INPP5B: variants seen among roughly 807,000 people sequenced by gnomAD.
The protein encoded by INPP5B is inositol polyphosphate-5-phosphatase B, also known as type II inositol 1,4,5-trisphosphate 5-phosphatase.
INPP5B carries 90 observed loss-of-function variants against 118.5 expected under a neutral mutation model. The observed-to-expected ratio is 0.76, with a 90% CI of 0.64 to 0.90. The LOEUF (loss-of-function observed/expected upper bound fraction) is 0.90. Ranked by LOEUF, INPP5B falls within the 40% of genes least tolerant of loss-of-function variation. The pLI is 0.00. For synonymous variants in INPP5B, 385 were observed against 418.9 expected (o/e 0.92, Z 0.99); for missense variants, 984 against 1,125.6 (o/e 0.87, Z 1.80).
In INPP5B at chr1:37,940,649, C is replaced by G. The variant is rs753631764; in HGVS notation, c.391+39G>C. The G allele has an allele frequency of 3.0e-5, 38 of 1,258,588 alleles. No individual in the cohort carries two copies. The South Asian group carries it at 4.6e-4, about 15-fold the overall frequency. 78.0% of individuals were successfully genotyped at this position (1,258,588 alleles called of 1,614,324 possible). ...CTGGGGTGGGTAGGTGAATACCCAGCAACCCACCCACCCCCAGGGAGCCTG... is the reference window on the plus strand; with the variant it reads ...CTGGGGTGGGTAGGTGAATACCCAGGAACCCACCCACCCCCAGGGAGCCTG... On this transcript the variant is annotated intron_variant, in intron 6 of 23. Coordinates refer to ENST00000373024, the MANE Select transcript of INPP5B (RefSeq NM_005540.3).
At chr1:37,881,105 A>G (rs1383681739) in intron 14 of INPP5B, among the ~76,000 whole-genome samples, 5 of 152,252 alleles carry the variant, frequency 3.3e-5, no homozygotes, top group African/African-American at 1.2e-4. Context: ...ATTAGGTACC[A>G]CTTAACAAAC....
chr1:37,941,001 A>C (rs958458088), intron 5 of INPP5B, among the ~76,000 whole-genome samples: 1 of 152,112 alleles, frequency 6.6e-6, no homozygotes, highest in Non-Finnish European at 1.5e-5. Flanking sequence ...CTCTTTATAC[A>C]GGAGGCAGAA....
intron 1 of INPP5B, among the ~76,000 whole-genome samples, chr1:37,946,677 C>A (rs1646122483): frequency 1.3e-5 from 2 of 152,150 alleles, no homozygotes; most frequent in South Asian, 4.1e-4. Context: ...TAGGACATGG[C>A]TCTTCCTCTC....
rs1297854206 is a variant in INPP5B at position 37,887,394 on chromosome 1, T to G, written c.971A>C (p.Lys324Thr). The G allele has an allele frequency of 2.5e-6, 4 of 1,613,904 alleles. No homozygotes were observed. In the African/African-American group the frequency reaches 5.3e-5, roughly 22 times the overall value. The change falls in exon 11 of 24, where the codon AAA (lysine) becomes ACA (threonine). Residue 324 changes from lysine to threonine, a missense_variant. Transcript: ENST00000373024. ...HDTPKEEEWF[K>T]AVSEGLHPDA... ...TGGATGAAGACCCTCTGACACAGCT[T>G]TGAACCACTCTTCCTCCTTTGGGGT... is the stretch of plus-strand genomic sequence containing the variant.
At chr1:37,870,816 T>G (rs1642368856) in intron 19 of INPP5B, 1 of 152,246 alleles carries the variant, frequency 6.6e-6, no homozygotes, top group African/African-American at 2.4e-5. Context: ...AGTGAACTAC[T>G]GAAAAACGTG....
intron 7 of INPP5B, among the ~76,000 whole-genome samples, chr1:37,908,615 T>G (rs547807177): frequency 6.6e-6 from 1 of 152,110 alleles, no homozygotes; most frequent in Admixed American, 6.5e-5. Context: ...GGAGACACAT[T>G]TTATCCGTGG....
chr1:37,941,954 A>G (rs1449979822), intron 5 of INPP5B: 1 of 28,712 alleles, frequency 3.5e-5, no homozygotes, highest in Non-Finnish European at 7.8e-5. Flanking sequence ...AAAAAAAAAA[A>G]AAAAATATAT....
At chr1:37,894,945 A>G (rs79581237) in intron 7 of INPP5B, among the ~76,000 whole-genome samples, 1,531 of 152,318 alleles carry the variant, frequency 0.01, 29 homozygotes, top group African/African-American at 0.035. Context: ...AAATATAACA[A>G]AAATAAGAAA....
At chr1:37,895,812 G>T (rs1644020379) in intron 7 of INPP5B, among the ~76,000 whole-genome samples, 2 of 152,114 alleles carry the variant, frequency 1.3e-5, no homozygotes, top group South Asian at 4.1e-4. Flanking sequence ...CGTTCACTCA[G>T]TGCTCAATGG....
intron 15 of INPP5B, among the ~76,000 whole-genome samples, chr1:37,879,538 C>G (rs1005413150): frequency 1.3e-5 from 2 of 151,958 alleles, no homozygotes; most frequent in African/African-American, 4.8e-5. Context: ...GAGGCTGAGG[C>G]AGGCGGATCA....
At position 37,943,842 on chromosome 1, in the gene INPP5B, A is replaced by G; in HGVS notation, c.204T>C (p.Ser68=). Residue 68 remains serine, a synonymous_variant, in exon 4 of 24, where the codon TCT becomes TCC. Transcript: ENST00000373024. ...GCGAGACTGGCACTATCTGGTCCAG[A>G]GAGACATCGTCCCCGGTAATGGCCA... ...RRMAITGDDV[S]LDQIVPVSRD... The G allele has an allele frequency of 6.2e-7, 1 of 1,614,144 alleles. No individual in the cohort carries two copies. Among genetic ancestry groups the G allele is most frequent in the Non-Finnish European group, 8.5e-7 (1 of 1,180,018 alleles).
intron 7 of INPP5B, among the ~76,000 whole-genome samples, chr1:37,905,562 CA>C (rs1490911157): frequency 6.6e-6 from 1 of 152,150 alleles, no homozygotes; most frequent in African/African-American, 2.4e-5. Flanking sequence ...ATTTCTTTGT[CA>C]GTTGTGTTTT....
rs753169128 is a variant in INPP5B, at chr1:37,886,981, C to T, written c.1038G>A (p.Gly346=). 1 of 1,614,128 alleles carries T rather than the reference C, an allele frequency of 6.2e-7. No individual in the cohort carries two copies. The highest frequency in any genetic ancestry group is 8.5e-7 in the Non-Finnish European group (1 of 1,180,004). ...GTTTGACATATAACAGCAGCATAAT[C>T]CCAACCAGTCGGATAAGCTTCACCT... is the stretch of plus-strand genomic sequence containing the variant. The part of the protein sequence containing the change: ...YAKVKLIRLV[G]IMLLLYVKQE... The change falls in exon 12 of 24, where the codon GGG becomes GGA. Residue 346 remains glycine (G), a synonymous_variant. Coordinates refer to ENST00000373024, the MANE Select transcript of INPP5B (RefSeq NM_005540.3).
chr1:37,936,883 A>T (rs1472535584), intron 6 of INPP5B, among the ~76,000 whole-genome samples: 1 of 151,722 alleles, frequency 6.6e-6, no homozygotes, highest in African/African-American at 2.4e-5. Context: ...AGAACTATAT[A>T]ATCCTGCCTA....
At chr1:37,884,930 AC>A (rs1643432375) in intron 13 of INPP5B, 1 of 152,076 alleles carries the variant, frequency 6.6e-6, no homozygotes, top group Non-Finnish European at 1.5e-5. Context: ...AGCCTGGGAG[AC>A]AGAGCAAGAC....
At chr1:37,945,718 C>T (rs756808166) in intron 3 of INPP5B, 38 bp downstream of exon 3, 2 of 1,510,874 alleles carry the variant, frequency 1.3e-6, no homozygotes, top group Non-Finnish European at 1.8e-6. Context: ...TGAACAACCC[C>T]ATGGCCCAGA....
At chr1:37,866,369 AC>A in intron 21 of INPP5B, 89 bp downstream of exon 21, 1 of 685,368 alleles carries the variant, frequency 1.5e-6, no homozygotes, top group Non-Finnish European at 2.6e-6. Flanking sequence ...ACTTTTTCTC[AC>A]CCCTCTCACT....
intron 19 of INPP5B, chr1:37,870,040 CAAAA>C (rs2148457552): frequency 6.6e-6 from 1 of 150,642 alleles, no homozygotes. Context: ...TAAAAAAAAA[CAAAA>C]GAATAATATC....
At chr1:37,893,516 T>C (rs1245758364) in intron 7 of INPP5B, among the ~76,000 whole-genome samples, 1 of 152,144 alleles carries the variant, frequency 6.6e-6, no homozygotes, top group Non-Finnish European at 1.5e-5. Flanking sequence ...AATATATTCC[T>C]ATCCCCAGTG....
Sources: gnomAD v4.1 joint callset for allele counts (sites outside exome capture counted in the v4.1 genomes callset) on GRCh38, gnomAD v4.1.1 for gene constraint, MANE v1.5 for transcripts, NCBI Gene and HGNC (gene_info 2026-07-23, HGNC 2026-07-21) for gene names.